MAP3K13: variants seen among roughly 807,000 people sequenced by gnomAD.
MAP3K13 encodes the protein mitogen-activated protein kinase kinase kinase 13.
Under a neutral mutation model 104.0 loss-of-function variants are expected in MAP3K13, and 52 were observed. That is an observed-to-expected ratio of 0.50 (90% CI 0.40 to 0.63). MAP3K13 has a LOEUF of 0.63. Among genes scored for constraint, MAP3K13 ranks in the 20% least tolerant of loss-of-function variants. The pLI is 0.00. For synonymous variants in MAP3K13, 394 were observed against 442.2 expected (o/e 0.89, Z 1.37); for missense variants, 914 against 1,218.5 (o/e 0.75, Z 3.72).
At chr3:185,309,823 G>C (rs1314103346) in intron 2 of MAP3K13, among the ~76,000 whole-genome samples, 1 of 152,074 alleles carries the variant, frequency 6.6e-6, no homozygotes, top group African/African-American at 2.4e-5. Context: ...GAGGGTTTTT[G>C]TTTTGTTTTG....
chr3:185,321,031 ATATT>A (rs1426158794), intron 2 of MAP3K13, among the ~76,000 whole-genome samples: 3 of 87,046 alleles, frequency 3.4e-5, no homozygotes, highest in African/African-American at 1.1e-4. Flanking sequence ...ATGTGTGTAT[ATATT>A]ATATGCGTGC....
At chr3:185,432,436 C>T (rs1714800675) in intron 2 of MAP3K13, among the ~76,000 whole-genome samples, 1 of 152,062 alleles carries the variant, frequency 6.6e-6, no homozygotes, top group Non-Finnish European at 1.5e-5. Flanking sequence ...GGTGATCTAC[C>T]TGCCTCGGCC....
chr3:185,431,754 T>C (rs1042063732), intron 2 of MAP3K13, among the ~76,000 whole-genome samples: 5 of 152,242 alleles, frequency 3.3e-5, no homozygotes, highest in African/African-American at 1.2e-4. Context: ...ACTTTTTTCA[T>C]GCATTTTATT....
intron 1 of MAP3K13, among the ~76,000 whole-genome samples, chr3:185,417,151 G>C (rs1257941562): frequency 1.3e-5 from 2 of 151,898 alleles, no homozygotes; most frequent in Non-Finnish European, 2.9e-5. Flanking sequence ...ATCTTGTCAG[G>C]GACCAACTTA....
intron 2 of MAP3K13, among the ~76,000 whole-genome samples, chr3:185,339,076 T>C (rs1722623012): frequency 6.6e-6 from 1 of 152,090 alleles, no homozygotes; most frequent in African/African-American, 2.4e-5. Flanking sequence ...TCCCAATACT[T>C]TGGGAAGCTG....
intron 1 of MAP3K13, among the ~76,000 whole-genome samples, chr3:185,372,805 C>T (rs1467953697): frequency 6.6e-6 from 1 of 152,024 alleles, no homozygotes; most frequent in Non-Finnish European, 1.5e-5. Flanking sequence ...ATATCTGAAA[C>T]GTAAAGAGAG....
intron 2 of MAP3K13, among the ~76,000 whole-genome samples, chr3:185,349,187 T>C (rs558027741): frequency 1.9e-4 from 29 of 152,150 alleles, no homozygotes; most frequent in African/African-American, 7.0e-4. Context: ...ATTGGTATAT[T>C]GTGTCATGGT....
chr3:185,401,396 T>TG (rs34755383), intron 1 of MAP3K13, among the ~76,000 whole-genome samples: 22,534 of 152,142 alleles, frequency 0.15, 1,657 homozygotes, highest in Admixed American at 0.19. Context: ...ATCCTGCTGC[T>TG]GGGACAGGTC....
At chr3:185,466,226 A>C (rs1277094222) in intron 9 of MAP3K13, among the ~76,000 whole-genome samples, 1 of 152,222 alleles carries the variant, frequency 6.6e-6, no homozygotes, top group Non-Finnish European at 1.5e-5. Context: ...AAACCCTGGG[A>C]ATCCTGACCA....
chr3:185,316,996 A>G (rs888118394), intron 2 of MAP3K13, among the ~76,000 whole-genome samples: 1 of 152,200 alleles, frequency 6.6e-6, no homozygotes, highest in Non-Finnish European at 1.5e-5. Flanking sequence ...CTGTTATAAA[A>G]TAGTGTATTG....
intron 1 of MAP3K13, among the ~76,000 whole-genome samples, chr3:185,404,776 C>A (rs1713017125): frequency 6.6e-6 from 1 of 152,094 alleles, no homozygotes; most frequent in African/African-American, 2.4e-5. Flanking sequence ...GGGGTTTCAC[C>A]ATGTTGGCCA....
At chr3:185,352,914 T>C (rs2108732747) in intron 2 of MAP3K13, among the ~76,000 whole-genome samples, 1 of 152,360 alleles carries the variant, frequency 6.6e-6, no homozygotes, top group South Asian at 2.1e-4. Context: ...AATTGATTGA[T>C]TCAGGGCAGG....
intron 8 of MAP3K13, among the ~76,000 whole-genome samples, 156 bp downstream of exon 8, chr3:185,463,815 C>T (rs1717254899): frequency 6.6e-6 from 1 of 152,130 alleles, no homozygotes; most frequent in Non-Finnish European, 1.5e-5. Flanking sequence ...GTTAGCCTTC[C>T]TTTGTATCTC....
rs529614601 is a variant in MAP3K13, at chr3:185,405,359, G to A, written c.-85-23138G>A. On this transcript the variant is annotated intron_variant, in intron 1 of 13. Coordinates refer to ENST00000265026, the MANE Select transcript of MAP3K13 (RefSeq NM_004721.5). ...ATAAGTAATGAGTAATGTTTTCTAT[G>A]AGGCCAAATTCTTTTGATCAAAGAA... Among the ~76,000 whole-genome samples the A allele has an allele frequency of 5.9e-5, 9 of 152,278 alleles. No homozygotes were observed. The South Asian group carries it at 1.7e-3, about 28-fold the overall frequency.
In MAP3K13 at chr3:185,348,547, C is replaced by A. The variant is rs7429804; in HGVS notation, c.-86+62904C>A. Among the ~76,000 whole-genome samples, 406 of 152,278 alleles carry A rather than the reference C, an allele frequency of 2.7e-3. 2 individuals carry two copies. The highest frequency in any genetic ancestry group is 0.015 in the South Asian group (70 of 4,818). On this transcript the variant is annotated intron_variant, in intron 2 of 14. Transcript: ENST00000424227. The stretch of plus-strand genomic sequence containing the variant: ...GAGCAAGCAACACTACCATAGGGGA[C>A]CTATGGACATGCTGCTTTTCTTTCC...
chr3:185,357,924 A>C (rs957748702), intron 2 of MAP3K13, among the ~76,000 whole-genome samples: 2 of 152,242 alleles, frequency 1.3e-5, no homozygotes, highest in Middle Eastern at 3.2e-3. Context: ...TTAACTCACA[A>C]TATTCTTTAA....
intron 2 of MAP3K13, among the ~76,000 whole-genome samples, chr3:185,347,878 G>C: frequency 6.6e-6 from 1 of 151,808 alleles, no homozygotes; most frequent in Non-Finnish European, 1.5e-5. Flanking sequence ...TGTGTGTGGT[G>C]GTGCACACCT....
At chr3:185,401,893 G>A (rs1712835723) in intron 1 of MAP3K13, among the ~76,000 whole-genome samples, 1 of 152,098 alleles carries the variant, frequency 6.6e-6, no homozygotes, top group African/African-American at 2.4e-5. Context: ...TAAAGCTTAT[G>A]GAGCGACCTC....
chr3:185,324,826 TCAAA>T (rs796898519), intron 2 of MAP3K13, among the ~76,000 whole-genome samples: 53 of 151,708 alleles, frequency 3.5e-4, no homozygotes, highest in African/African-American at 1.2e-3. Context: ...AAAAAACTGC[TCAAA>T]CAAACTACAT....
Sources: gnomAD v4.1 joint callset for allele counts (sites outside exome capture counted in the v4.1 genomes callset) on GRCh38, gnomAD v4.1.1 for gene constraint, MANE v1.5 for transcripts, NCBI Gene and HGNC (gene_info 2026-07-23, HGNC 2026-07-21) for gene names.